Variants in SUPT3H observed in about 807,000 individuals in gnomAD.
The protein encoded by SUPT3H is transcription initiation protein SPT3 homolog.
A neutral mutation model predicts 44.3 loss-of-function variants in SUPT3H; 44 were observed. The ratio of observed to expected loss-of-function variants is 0.99; its 90% CI spans 0.78 to 1.28. The LOEUF (loss-of-function observed/expected upper bound fraction) is 1.28, where lower values mean the gene tolerates loss of function less well. Among genes scored for constraint, SUPT3H ranks in the 50% most tolerant of loss-of-function variants. The probability of loss-of-function intolerance (pLI) is 0.00; values close to 1 mark genes in which losing one functional copy is unlikely to be tolerated. For missense variants in SUPT3H, 380 were observed against 387.1 expected (o/e 0.98, Z 0.15); for synonymous variants, 124 against 125.6 (o/e 0.99, Z 0.09).
intron 10 of SUPT3H, among the ~76,000 whole-genome samples, chr6:44,863,689 T>C (rs992637945): frequency 1.3e-5 from 2 of 152,040 alleles, no homozygotes. Flanking sequence ...TGTGGGGCTG[T>C]ATTTTCATGC....
intron 1 of SUPT3H, among the ~76,000 whole-genome samples, chr6:45,372,859 C>T (rs190360463): frequency 1.2e-3 from 183 of 152,118 alleles, no homozygotes; most frequent in Admixed American, 2.4e-3. Context: ...GCTCTGTCAC[C>T]CAGGCTGTAG....
downstream of SUPT3H, among the ~76,000 whole-genome samples, chr6:44,823,746 G>A (rs543124900): frequency 2.6e-3 from 389 of 152,266 alleles, 6 homozygotes; most frequent in African/African-American, 8.5e-3. Context: ...TGGATCGCCC[G>A]AGGTCAGGAG....
chr6:44,872,656 T>C (rs1776593260), intron 10 of SUPT3H, among the ~76,000 whole-genome samples: 2 of 121,228 alleles, frequency 1.6e-5, no homozygotes, highest in South Asian at 6.9e-4. Context: ...CAATATTAAC[T>C]TTAAATATAA....
chr6:44,991,202 A>G (rs1384075634), intron 6 of SUPT3H, among the ~76,000 whole-genome samples: 1 of 152,150 alleles, frequency 6.6e-6, no homozygotes, highest in Non-Finnish European at 1.5e-5. Context: ...TCTGAAAATT[A>G]AACACTCAAA....
intron 10 of SUPT3H, among the ~76,000 whole-genome samples, chr6:44,892,743 G>C: frequency 6.6e-6 from 1 of 152,142 alleles, no homozygotes; most frequent in African/African-American, 2.4e-5. Flanking sequence ...ATTTATCTGA[G>C]GTCCTTCAGA....
intron 2 of SUPT3H, among the ~76,000 whole-genome samples, chr6:45,191,703 A>C (rs966453228): frequency 6.6e-6 from 1 of 152,084 alleles, no homozygotes; most frequent in Non-Finnish European, 1.5e-5. Context: ...CAAAAATAAG[A>C]TAAATGTGGG....
intron 2 of SUPT3H, among the ~76,000 whole-genome samples, chr6:45,278,659 T>A (rs1404223737): frequency 6.6e-6 from 1 of 152,224 alleles, no homozygotes; most frequent in African/African-American, 2.4e-5. Flanking sequence ...TTGATTTCAT[T>A]TTAAATGTCA....
At chr6:45,274,530 C>T (rs759181686) in intron 2 of SUPT3H, among the ~76,000 whole-genome samples, 1 of 152,150 alleles carries the variant, frequency 6.6e-6, no homozygotes, top group Non-Finnish European at 1.5e-5. Flanking sequence ...TGTTCCAGCA[C>T]CATTCCTTGA....
intron 3 of SUPT3H, chr6:45,097,698 A>G (rs1322086850): frequency 2.0e-5 from 3 of 152,248 alleles, no homozygotes; most frequent in East Asian, 1.9e-4. Context: ...GTCCTTCTAC[A>G]AAACAGTAAC....
chr6:45,352,256 T>C (rs374992222), intron 2 of SUPT3H, among the ~76,000 whole-genome samples: 4 of 152,010 alleles, frequency 2.6e-5, no homozygotes, highest in African/African-American at 9.7e-5. Context: ...CCTTAGAAAA[T>C]ACAATAAAAA....
At chr6:44,896,437 T>G (rs1478533909) in intron 10 of SUPT3H, among the ~76,000 whole-genome samples, 1 of 152,140 alleles carries the variant, frequency 6.6e-6, no homozygotes, top group Non-Finnish European at 1.5e-5. Context: ...ATTTTCTACA[T>G]AAAGAAACTG....
intron 2 of SUPT3H, among the ~76,000 whole-genome samples, chr6:45,177,194 C>T (rs1812109389): frequency 6.6e-6 from 1 of 152,106 alleles, no homozygotes; most frequent in Non-Finnish European, 1.5e-5. Flanking sequence ...GAATGTATAA[C>T]TAGAATAACC....
At chr6:45,285,348 C>T (rs142343743) in intron 2 of SUPT3H, among the ~76,000 whole-genome samples, 22,878 of 152,074 alleles carry the variant, frequency 0.15, 1,964 homozygotes, top group East Asian at 0.26. Flanking sequence ...AAAACCCCAC[C>T]GTCTCAGCCC....
At chr6:45,323,467 G>GTGT in intron 2 of SUPT3H, among the ~76,000 whole-genome samples, 1 of 152,072 alleles carries the variant, frequency 6.6e-6, no homozygotes, top group African/African-American at 2.4e-5. Context: ...AAAGCACATA[G>GTGT]ACTGATAGAG....
In SUPT3H at chr6:44,903,666, C is replaced by T. The variant is rs553263591; in HGVS notation, c.912+28987G>A. 3.9e-5 allele frequency among the ~76,000 whole-genome samples: 6 copies of T among 152,266 alleles called. No individual in the cohort carries two copies. The South Asian group carries it at 1.2e-3, about 32-fold the overall frequency. On this transcript the variant is annotated intron_variant, in intron 10 of 10. Coordinates refer to ENST00000371459, the MANE Select transcript of SUPT3H (RefSeq NM_003599.4). ...AATCAACAGAAAAAGAGGGAATCCT[C>T]CCTAACTCATTTTATGAGGCCAGCA...
intron 2 of SUPT3H, among the ~76,000 whole-genome samples, chr6:45,212,450 G>A (rs1012236272): frequency 2.8e-5 from 4 of 140,972 alleles, no homozygotes; most frequent in Admixed American, 1.4e-4. Flanking sequence ...TTCCTCAGCC[G>A]TAGGTTCTGA....
At chr6:45,285,514 T>C (rs1779072082) in intron 2 of SUPT3H, among the ~76,000 whole-genome samples, 1 of 151,864 alleles carries the variant, frequency 6.6e-6, no homozygotes, top group African/African-American at 2.4e-5. Context: ...GAGAATAAAA[T>C]ACCTAGGAAT....
intron 2 of SUPT3H, among the ~76,000 whole-genome samples, chr6:45,226,249 T>C (rs1487200892): frequency 1.3e-5 from 2 of 152,208 alleles, no homozygotes; most frequent in African/African-American, 4.8e-5. Flanking sequence ...TTAAGGCAGC[T>C]AAATTGTTTT....
At chr6:45,292,343 CATA>C (rs1780445088) in intron 2 of SUPT3H, among the ~76,000 whole-genome samples, 1 of 151,908 alleles carries the variant, frequency 6.6e-6, no homozygotes, top group African/African-American at 2.4e-5. Flanking sequence ...CACTTTAAAG[CATA>C]AATCTCACAG....
Sources: allele counts gnomAD v4.1 joint callset (sites outside exome capture counted in the v4.1 genomes callset), GRCh38; gene constraint gnomAD v4.1.1; transcripts MANE v1.5; gene names NCBI Gene and HGNC (gene_info 2026-07-23, HGNC 2026-07-21).